AUTS2: variants seen among roughly 807,000 people sequenced by gnomAD.
AUTS2 encodes the protein autism susceptibility gene 2 protein.
AUTS2 carries 17 observed loss-of-function variants against 112.4 expected under a neutral mutation model. The observed-to-expected ratio is 0.15, with a 90% CI of 0.10 to 0.23. The LOEUF (loss-of-function observed/expected upper bound fraction) is 0.23, where lower values mean the gene tolerates loss of function less well. Among genes scored for constraint, AUTS2 ranks in the 10% least tolerant of loss-of-function variants. The pLI, the probability that AUTS2 is intolerant of heterozygous loss-of-function variation, is 1.00. For synonymous variants in AUTS2, 751 were observed against 702.7 expected (o/e 1.07, Z -1.09); for missense variants, 1,510 against 1,701.6 (o/e 0.89, Z 1.98).
At chr7:70,762,270 G>A (rs1279679761) in intron 6 of AUTS2, among the ~76,000 whole-genome samples, 1 of 152,128 alleles carries the variant, frequency 6.6e-6, no homozygotes, top group East Asian at 1.9e-4. Context: ...GGAGATTAAG[G>A]AAAACATTCA....
chr7:69,746,131 T>G (rs1410227943), intron 1 of AUTS2, among the ~76,000 whole-genome samples: 1 of 152,132 alleles, frequency 6.6e-6, no homozygotes, highest in African/African-American at 2.4e-5. Flanking sequence ...TGCCCTAGCC[T>G]CCCAAAGTAC....
chr7:70,491,627 T>TGTGTGTA (rs1562990316), intron 5 of AUTS2, among the ~76,000 whole-genome samples: 9 of 134,170 alleles, frequency 6.7e-5, no homozygotes, highest in African/African-American at 2.3e-4. Flanking sequence ...GTGTGTGTAT[T>TGTGTGTA]TTTTTGAGAC....
intron 4 of AUTS2, among the ~76,000 whole-genome samples, chr7:70,151,989 G>A (rs1807467384): frequency 2.0e-5 from 3 of 152,140 alleles, no homozygotes; most frequent in Admixed American, 1.3e-4. Context: ...AGACAGTTAA[G>A]TAGTATAAGA....
At chr7:69,792,474 C>T (rs757684915) in intron 1 of AUTS2, among the ~76,000 whole-genome samples, 5 of 151,986 alleles carry the variant, frequency 3.3e-5, no homozygotes, top group African/African-American at 1.2e-4. Context: ...CTCCTGACCT[C>T]GTGATCCACC....
chr7:70,783,598 T>G (rs1191948993), intron 15 of AUTS2: 2 of 152,256 alleles, frequency 1.3e-5, no homozygotes, highest in African/African-American at 4.8e-5. Context: ...AGGCCTTGTT[T>G]ATACTTCCAT....
intron 5 of AUTS2, among the ~76,000 whole-genome samples, chr7:70,565,018 A>G (rs1313200481): frequency 6.6e-6 from 1 of 152,132 alleles, no homozygotes; most frequent in Non-Finnish European, 1.5e-5. Flanking sequence ...GAATCGCTTG[A>G]ACCCGGGAGG....
chr7:70,375,023 T>C (rs1358721895), intron 4 of AUTS2, among the ~76,000 whole-genome samples: 2 of 152,164 alleles, frequency 1.3e-5, no homozygotes, highest in Non-Finnish European at 2.9e-5. Flanking sequence ...AGTGCCCCGA[T>C]GCTCCCTGCA....
chr7:70,615,129 A>G (rs1365098091), intron 5 of AUTS2, among the ~76,000 whole-genome samples: 1 of 152,170 alleles, frequency 6.6e-6, no homozygotes, highest in Non-Finnish European at 1.5e-5. Context: ...TTCCTTTCCC[A>G]GGCTCTAGGT....
In AUTS2 at chr7:69,899,325, C is replaced by T. The variant is rs142957106; in HGVS notation, c.349C>T (p.Arg117Cys). Residue 117 changes from arginine to cysteine, a missense_variant, in exon 2 of 19, where the codon CGC becomes TGC. Physicochemically the swap from Arg to Cys is radical, Grantham distance 180 (BLOSUM62 -3). This residue lies in a region of AUTS2 where 535 missense variants were observed against 594.3 expected (regional missense o/e 0.90). Coordinates refer to ENST00000342771, the MANE Select transcript of AUTS2 (RefSeq NM_015570.4). ...TAAGCCTCAGGAACGTGTGGAGAAA[C>T]GCCAGACGCCCCTGACCAAGAAGAA... ...ALKPQERVEK[R>C]QTPLTKKKRE... The T allele has an allele frequency of 1.1e-4, 173 of 1,613,936 alleles. No homozygotes were observed. The African/African-American group carries it at 1.9e-3, about 18-fold the overall frequency.
chr7:70,754,040 A>T (rs924392353), intron 6 of AUTS2, among the ~76,000 whole-genome samples: 4 of 151,766 alleles, frequency 2.6e-5, no homozygotes, highest in Admixed American at 2.6e-4. Flanking sequence ...GGGTGCCTGT[A>T]GTCCCAGCTA....
At chr7:69,897,722 A>G (rs1177052238) in intron 1 of AUTS2, among the ~76,000 whole-genome samples, 2 of 152,108 alleles carry the variant, frequency 1.3e-5, no homozygotes, top group African/African-American at 2.4e-5. Context: ...GTGCTGTTGC[A>G]CTCCAACCTG....
chr7:70,260,788 C>T (rs1430054323), intron 4 of AUTS2, among the ~76,000 whole-genome samples: 3 of 151,480 alleles, frequency 2.0e-5, no homozygotes, highest in East Asian at 3.9e-4. Flanking sequence ...CTCACTCTGT[C>T]GCCCTGGCTA....
At chr7:70,452,358 C>G (rs2131079358) in intron 5 of AUTS2, among the ~76,000 whole-genome samples, 1 of 152,160 alleles carries the variant, frequency 6.6e-6, no homozygotes, top group South Asian at 2.1e-4. Flanking sequence ...AATTGGGAGG[C>G]TGAGGGAGGA....
Position 70,766,218 on chromosome 7 carries a change from C to T in AUTS2, c.1573C>T (p.His525Tyr). 6.2e-7 allele frequency: 1 copy of T among 1,614,128 alleles called. No homozygotes were observed. Among genetic ancestry groups the T allele is most frequent in the Non-Finnish European group, 8.5e-7 (1 of 1,180,022 alleles). The change falls in exon 9 of 19, where the codon CAT (histidine) becomes TAT (tyrosine). Residue 525 changes from histidine (H) to tyrosine (Y), a missense_variant. Physicochemically the swap from His to Tyr is moderately conservative, Grantham distance 83. Transcript: ENST00000342771. The surrounding 1 kb of genome is among the most constrained non-coding windows in gnomAD (Gnocchi z 4.8). ...GPPPYLRTEF[H>Y]QHQHQHQHTH... ...TCCGCCCTACCTGCGGACCGAGTTCCATCAGCACCAGCACCAGCACCAGCA... is the reference window on the plus strand; with the variant it reads ...TCCGCCCTACCTGCGGACCGAGTTCTATCAGCACCAGCACCAGCACCAGCA...
At chr7:70,300,812 C>T (rs1208140667) in intron 4 of AUTS2, among the ~76,000 whole-genome samples, 2 of 152,104 alleles carry the variant, frequency 1.3e-5, no homozygotes, top group African/African-American at 2.4e-5. Flanking sequence ...GATGTAGACA[C>T]ATAATGTTCT....
chr7:70,367,684 G>A (rs1792647592), intron 4 of AUTS2, among the ~76,000 whole-genome samples: 1 of 152,172 alleles, frequency 6.6e-6, no homozygotes, highest in African/African-American at 2.4e-5. Context: ...AAAGGAAGCA[G>A]TCAGAGGTAT....
At chr7:70,444,604 A>G (rs1796249988) in intron 5 of AUTS2, among the ~76,000 whole-genome samples, 1 of 152,146 alleles carries the variant, frequency 6.6e-6, no homozygotes, top group Non-Finnish European at 1.5e-5. Flanking sequence ...ACAGCTGGGA[A>G]GGTCAAATTG....
At chr7:70,711,132 C>G (rs375578874) in intron 6 of AUTS2, among the ~76,000 whole-genome samples, 53 of 152,196 alleles carry the variant, frequency 3.5e-4, no homozygotes, top group African/African-American at 1.1e-3. Flanking sequence ...CCTCACCCCC[C>G]CAGAGCACAC....
intron 4 of AUTS2, among the ~76,000 whole-genome samples, chr7:70,213,568 A>G (rs1811027577): frequency 6.6e-6 from 1 of 152,074 alleles, no homozygotes; most frequent in African/African-American, 2.4e-5. Flanking sequence ...ACTATTTTAA[A>G]TGCACTTCAA....
Sources: gnomAD v4.1 joint callset for allele counts (sites outside exome capture counted in the v4.1 genomes callset) on GRCh38, gnomAD v4.1.1 for gene constraint, gnomAD v4.1.1 regional missense constraint, Gnocchi (gnomAD v3.1) non-coding constraint, MANE v1.5 for transcripts, NCBI Gene and HGNC (gene_info 2026-07-23, HGNC 2026-07-21) for gene names.